Variants in PCED1B observed in about 807,000 individuals in gnomAD.
The protein encoded by PCED1B is PC-esterase domain-containing protein 1B.
For synonymous variants in PCED1B, 251 were observed against 246.1 expected (o/e 1.02, Z -0.19); for missense variants, 573 against 573.9 (o/e 1.00, Z 0.02).
At chr12:47,186,531 G>T (rs1942274693) in intron 2 of PCED1B, among the ~76,000 whole-genome samples, 1 of 152,088 alleles carries the variant, frequency 6.6e-6, no homozygotes, top group South Asian at 2.1e-4. Flanking sequence ...AGGCAGATAG[G>T]AGGCGGACAG....
In PCED1B at chr12:47,190,567, G is replaced by T. The variant is rs192550194; in HGVS notation, c.-525-25655G>T. Among the ~76,000 whole-genome samples, 16 of 152,314 alleles carry T rather than the reference G, an allele frequency of 1.1e-4. No homozygotes were observed. The East Asian group carries it at 3.1e-3, about 29-fold the overall frequency. On this transcript the variant is annotated intron_variant, in intron 2 of 3. Coordinates refer to ENST00000546455, the MANE Select transcript of PCED1B (RefSeq NM_138371.3). ...TCTTTATAGCAGCTATGCAAATCCT[G>T]CATCTGGGATACCTGTGACTCATTT...
At position 47,133,506 on chromosome 12, in the gene PCED1B, G is replaced by A. The variant is rs143988788; in HGVS notation, c.-526+29311G>A. Among the ~76,000 whole-genome samples, 149 of 152,240 alleles carry A rather than the reference G, an allele frequency of 9.8e-4. 1 individual carries two copies. Among genetic ancestry groups the A allele is most frequent in the Non-Finnish European group, 1.7e-3 (114 of 68,012 alleles). On this transcript the variant is annotated intron_variant, in intron 2 of 3. Transcript: ENST00000546455. ...TAGGGATGGGGGGTACATCATGCCC[G>A]TGAGACTTGAAAGAATGACTGTGTG...
At chr12:47,156,310 A>G (rs1173995390) in intron 2 of PCED1B, among the ~76,000 whole-genome samples, 2 of 152,188 alleles carry the variant, frequency 1.3e-5, no homozygotes, top group African/African-American at 4.8e-5. Context: ...CTGGGTTGCC[A>G]TGGCAGTAAT....
At chr12:47,094,258 G>A (rs1938383287) in intron 1 of PCED1B, among the ~76,000 whole-genome samples, 1 of 152,048 alleles carries the variant, frequency 6.6e-6, no homozygotes, top group South Asian at 2.1e-4. Context: ...GACAGCTTTA[G>A]GAGCAGGGGC....
At chr12:47,160,001 T>C (rs1291325684) in intron 2 of PCED1B, among the ~76,000 whole-genome samples, 2 of 152,182 alleles carry the variant, frequency 1.3e-5, no homozygotes. Flanking sequence ...CAATGTCCTT[T>C]CCTCAGTGTA....
intron 2 of PCED1B, among the ~76,000 whole-genome samples, chr12:47,151,849 G>A (rs957394223): frequency 6.6e-6 from 1 of 152,094 alleles, no homozygotes; most frequent in Admixed American, 6.6e-5. Context: ...CACTCAGTCT[G>A]GCCACTCAAA....
chr12:47,202,594 T>TAAAAAAAAAAAAA (rs60769675), intron 2 of PCED1B, among the ~76,000 whole-genome samples: 2 of 66,670 alleles, frequency 3.0e-5, no homozygotes, highest in Non-Finnish European at 2.9e-5. Flanking sequence ...TAGACATTAG[T>TAAAAAAAAAAAAA]AAAAAAAAAA....
At chr12:47,231,924 T>C (rs1943820315) in intron 3 of PCED1B, among the ~76,000 whole-genome samples, 1 of 152,208 alleles carries the variant, frequency 6.6e-6, no homozygotes, top group Non-Finnish European at 1.5e-5. Context: ...CTTTGGAGAC[T>C]TGAGTCTAGA....
intron 3 of PCED1B, 105 bp from the exon 4 acceptor site, chr12:47,234,902 G>A (rs1592332853): frequency 1.8e-6 from 1 of 548,698 alleles, no homozygotes; most frequent in Non-Finnish European, 3.0e-6. Flanking sequence ...TCAGGGCAGA[G>A]GCCACAGCGC....
intron 2 of PCED1B, among the ~76,000 whole-genome samples, chr12:47,198,000 T>C (rs1047786126): frequency 5.9e-5 from 9 of 152,204 alleles, no homozygotes; most frequent in African/African-American, 2.2e-4. Flanking sequence ...CTACTGTTTC[T>C]TCCAGAAAAT....
chr12:47,159,034 A>G (rs996438592), intron 2 of PCED1B, among the ~76,000 whole-genome samples: 3 of 152,140 alleles, frequency 2.0e-5, no homozygotes, highest in African/African-American at 7.2e-5. Flanking sequence ...CTCACTTAAC[A>G]TAAGTCCCAT....
At chr12:47,089,928 A>G (rs923779783) in intron 1 of PCED1B, among the ~76,000 whole-genome samples, 1 of 152,020 alleles carries the variant, frequency 6.6e-6, no homozygotes, top group Admixed American at 6.5e-5. Flanking sequence ...CACACACACC[A>G]TGCCCAGCTG....
chr12:47,157,665 A>C (rs1161677289), intron 2 of PCED1B, among the ~76,000 whole-genome samples: 1 of 152,164 alleles, frequency 6.6e-6, no homozygotes, highest in African/African-American at 2.4e-5. Context: ...TATCATCTTA[A>C]CCATTTTTTA....
At chr12:47,147,967 A>G (rs774434823) in intron 2 of PCED1B, among the ~76,000 whole-genome samples, 29 of 152,290 alleles carry the variant, frequency 1.9e-4, no homozygotes, top group Non-Finnish European at 1.2e-4. Context: ...TTGTGTTGCT[A>G]TAACAGAATA....
At chr12:47,131,116 T>C (rs1411770181) in intron 2 of PCED1B, among the ~76,000 whole-genome samples, 2 of 152,198 alleles carry the variant, frequency 1.3e-5, no homozygotes, top group Admixed American at 1.3e-4. Context: ...TGAGAAAACA[T>C]ATCCTTATTC....
chr12:47,194,987 A>AG (rs1183882794), intron 2 of PCED1B, among the ~76,000 whole-genome samples: 2 of 125,504 alleles, frequency 1.6e-5, no homozygotes, highest in Non-Finnish European at 3.0e-5. Context: ...CTTGTATGAG[A>AG]GGGGGGAAGA....
chr12:47,182,369 G>A (rs773512530), intron 2 of PCED1B, among the ~76,000 whole-genome samples: 5 of 152,004 alleles, frequency 3.3e-5, no homozygotes, highest in Admixed American at 2.6e-4. Context: ...TGAGGCAGGC[G>A]GATCACAAGG....
chr12:47,188,340 G>A (rs1020115341), intron 2 of PCED1B, among the ~76,000 whole-genome samples: 2 of 152,234 alleles, frequency 1.3e-5, no homozygotes, highest in South Asian at 2.1e-4. Flanking sequence ...CCACACAAAA[G>A]CCCTATAGGG....
At chr12:47,161,128 G>A (rs1941363916) in intron 2 of PCED1B, among the ~76,000 whole-genome samples, 1 of 152,290 alleles carries the variant, frequency 6.6e-6, no homozygotes, top group East Asian at 1.9e-4. Context: ...GCAGAACCAT[G>A]AGCTAAGTCA....
Sources: gnomAD v4.1 joint callset for allele counts (sites outside exome capture counted in the v4.1 genomes callset) on GRCh38, gnomAD v4.1.1 for gene constraint, MANE v1.5 for transcripts, NCBI Gene and HGNC (gene_info 2026-07-23, HGNC 2026-07-21) for gene names.